The following TMEM131L variants were observed in gnomAD, a reference collection of about 807,000 sequenced individuals.
TMEM131L encodes transmembrane protein 131-like.
Under a neutral mutation model 192.2 loss-of-function variants are expected in TMEM131L, and 54 were observed. That is an observed-to-expected ratio of 0.28 (90% CI 0.23 to 0.35). TMEM131L has a LOEUF of 0.35. Among genes scored for constraint, TMEM131L ranks in the 10% least tolerant of loss-of-function variants. The pLI is 1.00. For missense variants in TMEM131L, 1,888 were observed against 1,972.9 expected (o/e 0.96, Z 0.82); for synonymous variants, 701 against 704.9 (o/e 0.99, Z 0.09).
At chr4:153,503,634 A>G (rs1471923175) in intron 3 of TMEM131L, among the ~76,000 whole-genome samples, 1 of 152,218 alleles carries the variant, frequency 6.6e-6, no homozygotes, top group Non-Finnish European at 1.5e-5. Context: ...AAGAGTCATG[A>G]TGTGGGTCCT....
At chr4:153,502,473 T>C (rs1315600677) in intron 3 of TMEM131L, among the ~76,000 whole-genome samples, 3 of 152,232 alleles carry the variant, frequency 2.0e-5, no homozygotes, top group African/African-American at 7.2e-5. Flanking sequence ...TCATTTATTC[T>C]GACTCTTTGG....
chr4:153,625,398 AAAG>A (rs1316816038), intron 29 of TMEM131L, among the ~76,000 whole-genome samples: 1 of 152,110 alleles, frequency 6.6e-6, no homozygotes, highest in Non-Finnish European at 1.5e-5. Context: ...CGACAAAAAA[AAAG>A]GGGGTACATT....
chr4:153,515,995 C>T (rs1237291403), intron 3 of TMEM131L, among the ~76,000 whole-genome samples: 2 of 151,562 alleles, frequency 1.3e-5, no homozygotes, highest in Non-Finnish European at 2.9e-5. Context: ...CCTCACACAG[C>T]GTTGGGATTA....
At chr4:153,553,087 G>C (rs190744708) in intron 4 of TMEM131L, among the ~76,000 whole-genome samples, 98 of 152,204 alleles carry the variant, frequency 6.4e-4, no homozygotes, top group African/African-American at 2.2e-3. Context: ...AGAGAATGCT[G>C]AAAGTCTTTG....
At chr4:153,534,722 G>C (rs1392027648) in intron 3 of TMEM131L, among the ~76,000 whole-genome samples, 1 of 152,156 alleles carries the variant, frequency 6.6e-6, no homozygotes, top group African/African-American at 2.4e-5. Context: ...CGTGAGCCAC[G>C]GCGCCTGGCC....
chr4:153,508,206 G>A (rs1015152520), intron 3 of TMEM131L, among the ~76,000 whole-genome samples: 7 of 152,182 alleles, frequency 4.6e-5, no homozygotes, highest in Admixed American at 1.3e-4. Context: ...ATATTTGGGT[G>A]TATGTGAATA....
chr4:153,636,283 TCCTC>T lies in TMEM131L; in HGVS notation c.4558-17_4558-14del. 1 of 1,586,650 alleles carries T rather than the reference TCCTC, an allele frequency of 6.3e-7. No individual in the cohort carries two copies. ...TTTTTTCTTTTAACTTATTTTTCCT[TCCTC>T]ATTTATACTTCAGCCCTACCTCACA... On this transcript the variant is annotated splice_polypyrimidine_tract_variant and intron_variant, in intron 34 of 34. Coordinates refer to ENST00000409959, the MANE Select transcript of TMEM131L (RefSeq NM_001131007.2).
At chr4:153,496,752 A>G (rs1580071329) in intron 3 of TMEM131L, among the ~76,000 whole-genome samples, 1 of 151,388 alleles carries the variant, frequency 6.6e-6, no homozygotes, top group Non-Finnish European at 1.5e-5. Context: ...GGGTCTCACT[A>G]TGTTGCCCAG....
chr4:153,468,623 A>C (rs151110714), intron 2 of TMEM131L, among the ~76,000 whole-genome samples: 11 of 152,284 alleles, frequency 7.2e-5, no homozygotes, highest in African/African-American at 2.6e-4. Context: ...CACTGGTGAC[A>C]TTTTGGGCTA....
intron 3 of TMEM131L, among the ~76,000 whole-genome samples, chr4:153,475,307 A>G (rs1731450912): frequency 6.6e-6 from 1 of 152,062 alleles, no homozygotes; most frequent in Admixed American, 6.5e-5. Context: ...ACTTTTAATG[A>G]TGGCTCACTG....
chr4:153,505,848 G>T (rs1165725975), intron 3 of TMEM131L, among the ~76,000 whole-genome samples: 2 of 152,160 alleles, frequency 1.3e-5, no homozygotes, highest in Non-Finnish European at 2.9e-5. Flanking sequence ...AGGAACTGGA[G>T]ACATCAAGTT....
rs990773740 is a variant in TMEM131L at position 153,555,952 on chromosome 4, A to G, written c.432+42A>G. The G allele has an allele frequency of 6.5e-7, 1 of 1,540,620 alleles. No homozygotes were observed. Among genetic ancestry groups the G allele is most frequent in the Admixed American group, 2.0e-5 (1 of 49,690 alleles). On this transcript the variant is annotated intron_variant, in intron 5 of 34. Transcript: ENST00000409959. The surrounding 1 kb of genome is among the most constrained non-coding windows in gnomAD (Gnocchi z 4.1). ...TCCTGGAAACTATGCCGTGGCAGGC[A>G]GCCAGGTTTTCTTGCTTTCTTTGGC...
chr4:153,618,759 CCTT>C (rs1394353652), intron 26 of TMEM131L, among the ~76,000 whole-genome samples: 3 of 151,780 alleles, frequency 2.0e-5, no homozygotes, highest in African/African-American at 4.8e-5. Context: ...TTAGTCCTGT[CCTT>C]CTCTCTCTGG....
At chr4:153,585,363 T>C in intron 12 of TMEM131L, 95 bp from the exon 13 acceptor site, 1 of 1,230,096 alleles carries the variant, frequency 8.1e-7, no homozygotes, top group South Asian at 1.3e-5. Context: ...TAGTAACGTT[T>C]TATGATGCTC....
At chr4:153,548,951 T>G (rs1737398883) in intron 3 of TMEM131L, among the ~76,000 whole-genome samples, 1 of 151,998 alleles carries the variant, frequency 6.6e-6, no homozygotes, top group Non-Finnish European at 1.5e-5. Flanking sequence ...ATGGAAAGAT[T>G]CTATTTACTT....
chr4:153,635,374 A>G, intron 33 of TMEM131L, 58 bp from the exon 34 acceptor site: 1 of 1,557,858 alleles, frequency 6.4e-7, no homozygotes, highest in African/African-American at 1.4e-5. Context: ...CCTGAGAGTG[A>G]GAATTCAGTT....
intron 3 of TMEM131L, among the ~76,000 whole-genome samples, chr4:153,529,398 G>A (rs1286304943): frequency 6.6e-6 from 1 of 152,194 alleles, no homozygotes; most frequent in East Asian, 1.9e-4. Flanking sequence ...TCTTCAGCAT[G>A]ACTTGAAGAG....
intron 26 of TMEM131L, among the ~76,000 whole-genome samples, chr4:153,612,654 AT>A (rs1339121144): frequency 6.6e-5 from 10 of 152,306 alleles, no homozygotes; most frequent in African/African-American, 2.2e-4. Context: ...TTCCTAGGTA[AT>A]GATGGCAGAG....
intron 3 of TMEM131L, among the ~76,000 whole-genome samples, chr4:153,537,619 C>T (rs901263777): frequency 2.0e-5 from 3 of 152,186 alleles, no homozygotes; most frequent in African/African-American, 7.2e-5. Flanking sequence ...CCAGAGGTCG[C>T]TCTTGTGGCC....
Sources: gnomAD v4.1 joint callset for allele counts (sites outside exome capture counted in the v4.1 genomes callset) on GRCh38, gnomAD v4.1.1 for gene constraint, Gnocchi (gnomAD v3.1) non-coding constraint, MANE v1.5 for transcripts, NCBI Gene and HGNC (gene_info 2026-07-23, HGNC 2026-07-21) for gene names.